The following RGSL1 variants were observed in gnomAD, a reference collection of about 807,000 sequenced individuals.
The protein encoded by RGSL1 is regulator of G protein signaling like 1.
A neutral mutation model predicts 124.7 loss-of-function variants in RGSL1; 97 were observed. The observed-to-expected ratio is 0.78, with a 90% CI of 0.66 to 0.92. The LOEUF (loss-of-function observed/expected upper bound fraction) is 0.92. Ranked by LOEUF, RGSL1 falls within the 40% of genes least tolerant of loss-of-function variation. The pLI is 0.00. For synonymous variants in RGSL1, 424 were observed against 438.1 expected (o/e 0.97, Z 0.40); for missense variants, 1,233 against 1,288.4 (o/e 0.96, Z 0.66).
intron 9 of RGSL1, chr1:182,507,122 T>C (rs1198751043): frequency 6.6e-6 from 1 of 151,870 alleles, no homozygotes; most frequent in Non-Finnish European, 1.5e-5. Flanking sequence ...CCTAAGTAGC[T>C]GAGATTACAA....
chr1:182,545,333 A>T (rs1441701356), intron 15 of RGSL1, among the ~76,000 whole-genome samples: 1 of 152,094 alleles, frequency 6.6e-6, no homozygotes, highest in African/African-American at 2.4e-5. Flanking sequence ...TTTTTTCTCA[A>T]TTTGCATATT....
At chr1:182,528,264 CA>C (rs1304607706) in intron 11 of RGSL1, among the ~76,000 whole-genome samples, 1 of 152,166 alleles carries the variant, frequency 6.6e-6, no homozygotes, top group African/African-American at 2.4e-5. Context: ...CTGCCCGTGA[CA>C]CATGGGGATT....
intron 9 of RGSL1, among the ~76,000 whole-genome samples, chr1:182,503,349 A>T (rs1656544906): frequency 1.3e-5 from 2 of 152,178 alleles, no homozygotes; most frequent in South Asian, 4.1e-4. Flanking sequence ...AGATGAATTG[A>T]TAAAGAAAAT....
rs546068520 is a variant in RGSL1 at position 182,520,856 on chromosome 1, G to A, written c.1826-1148G>A. On this transcript the variant is annotated intron_variant, in intron 9 of 21. Coordinates refer to ENST00000294854, the MANE Select transcript of RGSL1 (RefSeq NM_001137669.2). Reference sequence around the variant, plus strand: ...TTGCCAAACTACACACAAGTTTCCTGTGTGGGTACATTCTATTTAAAAACC... The same window carrying A: ...TTGCCAAACTACACACAAGTTTCCTATGTGGGTACATTCTATTTAAAAACC... 6.6e-5 allele frequency among the ~76,000 whole-genome samples: 10 copies of A among 152,092 alleles called. No individual in the cohort carries two copies. The East Asian group carries it at 1.7e-3, about 26-fold the overall frequency.
At position 182,530,967 on chromosome 1, in the gene RGSL1, G is replaced by C. The variant is rs1228528009; in HGVS notation, c.2364+57G>C. ...AGAGACAAGAAAACCATCGTCTTGG[G>C]GGTAGGTTTTTAAATCCCCATTTTG... On this transcript the variant is annotated intron_variant, in intron 13 of 21. Transcript: ENST00000294854. The C allele has an allele frequency of 4.6e-6, 7 of 1,509,544 alleles. No individual in the cohort carries two copies. The East Asian group carries it at 1.8e-4, about 38-fold the overall frequency. 93.5% of individuals were successfully genotyped at this position (1,509,544 alleles called of 1,614,324 possible). A position where few individuals can be genotyped will look rare whatever the true frequency, so the allele number is the denominator to read the frequency against.
At chr1:182,500,364 T>C (rs1047011823) in intron 9 of RGSL1, among the ~76,000 whole-genome samples, 1 of 152,234 alleles carries the variant, frequency 6.6e-6, no homozygotes, top group Non-Finnish European at 1.5e-5. Context: ...TTCAATTCCA[T>C]TGATCTCTAA....
chr1:182,470,161 CGTTAT>C (rs536629664), intron 4 of RGSL1, among the ~76,000 whole-genome samples: 27 of 152,084 alleles, frequency 1.8e-4, no homozygotes, highest in South Asian at 8.3e-4. Flanking sequence ...AGATGGTAAA[CGTTAT>C]GTTATATGTA....
At chr1:182,554,796 C>T in intron 20 of RGSL1, 103 bp downstream of exon 20, 1 of 1,136,000 alleles carries the variant, frequency 8.8e-7, no homozygotes, top group South Asian at 1.3e-5. Context: ...TCATACCCTG[C>T]CTCTCCTTGG....
intron 9 of RGSL1, among the ~76,000 whole-genome samples, chr1:182,519,874 T>G (rs554632): frequency 0.86 from 131,074 of 151,738 alleles, 56,937 homozygotes; most frequent in Non-Finnish European, 0.89. Context: ...CTTTTCTTAC[T>G]TATAATCATT....
chr1:182,532,630 T>C (rs908541928), intron 13 of RGSL1, 32 bp from the exon 14 acceptor site: 1 of 1,546,666 alleles, frequency 6.5e-7, no homozygotes, highest in Admixed American at 2.0e-5. Flanking sequence ...ACCATACTAA[T>C]GAACATGTTA....
At chr1:182,527,902 T>C (rs1452881439) in intron 11 of RGSL1, 130 bp downstream of exon 11, 1 of 654,772 alleles carries the variant, frequency 1.5e-6, no homozygotes, top group Non-Finnish European at 2.5e-6. Context: ...GGGGCAATAT[T>C]GAGACAGATT....
intron 9 of RGSL1, among the ~76,000 whole-genome samples, chr1:182,498,487 T>A (rs1293542272): frequency 1.3e-5 from 2 of 152,222 alleles, no homozygotes; most frequent in Non-Finnish European, 2.9e-5. Flanking sequence ...TGGTTCGAGC[T>A]AAAGAATGTG....
In RGSL1 at chr1:182,527,512, C is replaced by G. The variant is rs952705247; in HGVS notation, c.1932-67C>G. 2.2e-6 allele frequency: 3 copies of G among 1,365,528 alleles called. No individual in the cohort carries two copies. In the African/African-American group the frequency reaches 4.4e-5, roughly 20 times the overall value. 84.6% of individuals were successfully genotyped at this position (1,365,528 alleles called of 1,614,324 possible). The stretch of plus-strand genomic sequence containing the variant: ...CCTGGTCAATGCACTTCCCCATTTC[C>G]TAATTGAAACAGAATCCAGAATCAT... On this transcript the variant is annotated intron_variant, in intron 10 of 21. Coordinates refer to ENST00000294854, the MANE Select transcript of RGSL1 (RefSeq NM_001137669.2).
At chr1:182,526,015 G>T (rs1658716357) in intron 10 of RGSL1, among the ~76,000 whole-genome samples, 1 of 152,096 alleles carries the variant, frequency 6.6e-6, no homozygotes, top group African/African-American at 2.4e-5. Flanking sequence ...CCAAATTATT[G>T]AAGTAAGCTA....
chr1:182,532,188 A>ATGTG (rs140575460), intron 13 of RGSL1, among the ~76,000 whole-genome samples: 2 of 151,084 alleles, frequency 1.3e-5, no homozygotes, highest in African/African-American at 4.8e-5. Context: ...TCGTGTGTGT[A>ATGTG]TGTGTGTGTG....
At chr1:182,483,478 TATAAA>T (rs1654864104) in intron 6 of RGSL1, among the ~76,000 whole-genome samples, 1 of 152,124 alleles carries the variant, frequency 6.6e-6, no homozygotes, top group African/African-American at 2.4e-5. Context: ...TATGTGTATA[TATAAA>T]ATAAATGTAA....
At chr1:182,473,529 C>T (rs1397632689) in intron 5 of RGSL1, 46 bp from the exon 6 acceptor site, 1 of 1,477,462 alleles carries the variant, frequency 6.8e-7, no homozygotes, top group Non-Finnish European at 9.0e-7. Flanking sequence ...TCATCACTGC[C>T]ATCATCCCAT....
intron 6 of RGSL1, among the ~76,000 whole-genome samples, chr1:182,480,440 A>C (rs944205196): frequency 6.6e-6 from 1 of 151,784 alleles, no homozygotes; most frequent in African/African-American, 2.4e-5. Flanking sequence ...CTAAAATAAT[A>C]AAATGAAATA....
chr1:182,547,702 A>G (rs1230445256), intron 15 of RGSL1, among the ~76,000 whole-genome samples: 1 of 152,122 alleles, frequency 6.6e-6, no homozygotes, highest in Admixed American at 6.5e-5. Flanking sequence ...TCTACTAAAA[A>G]TACAAAAAAT....
Sources: allele counts gnomAD v4.1 joint callset (sites outside exome capture counted in the v4.1 genomes callset), GRCh38; gene constraint gnomAD v4.1.1; transcripts MANE v1.5; gene names NCBI Gene and HGNC (gene_info 2026-07-23, HGNC 2026-07-21).